The following SETBP1 variants were observed in gnomAD, a reference collection of about 807,000 sequenced individuals.
SETBP1 encodes the protein SET binding protein 1, also known as SET-binding protein.
A neutral mutation model predicts 101.0 loss-of-function variants in SETBP1; 9 were observed. That is an observed-to-expected ratio of 0.09 (90% CI 0.05 to 0.16). The LOEUF is 0.16. SETBP1 is among the 10% of genes least tolerant of loss of function. SETBP1 has a pLI of 1.00. For missense variants in SETBP1, 1,858 were observed against 2,033.8 expected, an observed-to-expected ratio of 0.91 and a Z score of 1.66; for synonymous variants, 818 against 788.5, an observed-to-expected ratio of 1.04 and a Z score of -0.63.
chr18:44,731,300 C>G (rs1184605643), intron 2 of SETBP1, among the ~76,000 whole-genome samples: 1 of 152,202 alleles, frequency 6.6e-6, no homozygotes, highest in African/African-American at 2.4e-5. Context: ...AAGGCCAGCC[C>G]AGATGATCAG....
chr18:44,739,323 T>C (rs898836), intron 2 of SETBP1, among the ~76,000 whole-genome samples: 121,765 of 152,118 alleles, frequency 0.8, 48,824 homozygotes, highest in African/African-American at 0.83. Flanking sequence ...TTCTGCCTAT[T>C]ACATCTTATT....
At chr18:45,022,423 G>C (rs565282351) in intron 4 of SETBP1, among the ~76,000 whole-genome samples, 8 of 152,272 alleles carry the variant, frequency 5.3e-5, no homozygotes, top group African/African-American at 1.9e-4. Context: ...TAAGTGCTGA[G>C]TGCAACCACC....
At chr18:44,932,655 T>C (rs1050267108) in intron 3 of SETBP1, among the ~76,000 whole-genome samples, 1 of 152,218 alleles carries the variant, frequency 6.6e-6, no homozygotes, top group Admixed American at 6.5e-5. Context: ...CTCTTTTTTT[T>C]CTCTAAACTT....
intron 2 of SETBP1, among the ~76,000 whole-genome samples, chr18:44,816,168 G>A (rs1367409985): frequency 6.6e-6 from 1 of 152,192 alleles, no homozygotes; most frequent in African/African-American, 2.4e-5. Context: ...AGGCAGGTGG[G>A]GAAGGGAACA....
At chr18:44,792,059 A>G (rs2071383096) in intron 2 of SETBP1, among the ~76,000 whole-genome samples, 1 of 152,110 alleles carries the variant, frequency 6.6e-6, no homozygotes, top group Non-Finnish European at 1.5e-5. Flanking sequence ...CTGTGATCTA[A>G]CAATTCTGCT....
intron 4 of SETBP1, among the ~76,000 whole-genome samples, chr18:45,005,641 TC>T (rs1681390565): frequency 7.0e-6 from 1 of 142,818 alleles, no homozygotes; most frequent in Admixed American, 7.1e-5. Flanking sequence ...CTTAAAATCT[TC>T]CTTTTTTTTT....
intron 2 of SETBP1, among the ~76,000 whole-genome samples, chr18:44,836,996 T>C (rs1385975519): frequency 6.6e-6 from 1 of 152,226 alleles, no homozygotes; most frequent in African/African-American, 2.4e-5. Context: ...TAAGAAACTT[T>C]TCATGCTAAT....
At chr18:44,728,093 T>G (rs2069755834) in intron 2 of SETBP1, among the ~76,000 whole-genome samples, 1 of 152,230 alleles carries the variant, frequency 6.6e-6, no homozygotes, top group Non-Finnish European at 1.5e-5. Context: ...CATTTAAGAC[T>G]CACTACTTAG....
At chr18:44,704,088 C>T (rs1418224899) in intron 2 of SETBP1, among the ~76,000 whole-genome samples, 2 of 152,184 alleles carry the variant, frequency 1.3e-5, no homozygotes, top group African/African-American at 4.8e-5. Context: ...ATACATTGTC[C>T]TGATTAGGTA....
chr18:44,976,266 CTTGTT>C (rs2071986867), intron 4 of SETBP1, among the ~76,000 whole-genome samples: 1 of 152,166 alleles, frequency 6.6e-6, no homozygotes, highest in South Asian at 2.1e-4. Context: ...TTGGAGGCTC[CTTGTT>C]TACAGTCCGT....
At chr18:44,848,257 T>C (rs974103682) in intron 2 of SETBP1, among the ~76,000 whole-genome samples, 3 of 152,080 alleles carry the variant, frequency 2.0e-5, no homozygotes, top group Admixed American at 6.5e-5. Context: ...CTTAGCTAGT[T>C]TGGGGAAGGC....
rs535180171 is a variant in SETBP1, at chr18:44,726,603, A to T, written c.486+24771A>T. Among the ~76,000 whole-genome samples, 58 of 152,280 alleles carry T rather than the reference A, an allele frequency of 3.8e-4. 2 individuals are homozygous for T. In the South Asian group the frequency reaches 0.012, roughly 30 times the overall value. On this transcript the variant is annotated intron_variant, in intron 2 of 5. Coordinates refer to ENST00000649279, the MANE Select transcript of SETBP1 (RefSeq NM_015559.3). ...ATTCTTAAACACAAAGCTATATAGG[A>T]CCGCCTCCCATTTGCAGATTAGAAG...
chr18:44,896,003 G>T (rs752242822), intron 3 of SETBP1, among the ~76,000 whole-genome samples: 1 of 152,124 alleles, frequency 6.6e-6, no homozygotes, highest in African/African-American at 2.4e-5. Context: ...CCTGATAGGA[G>T]CATGATCACT....
At position 44,950,856 on chromosome 18, in the gene SETBP1, C is replaced by T. The variant is rs1448229815; in HGVS notation, c.1516C>T (p.Pro506Ser). 3 of 1,614,122 alleles carry T rather than the reference C, an allele frequency of 1.9e-6. No individual in the cohort carries two copies. Among genetic ancestry groups the T allele is most frequent in the Non-Finnish European group, 2.5e-6 (3 of 1,180,018 alleles). ...KPRKPPMVMTPPTCTDHSPSR... is the reference protein window; with the variant it reads ...KPRKPPMVMTSPTCTDHSPSR... ...GCGGAAGCCACCCATGGTCATGACACCTCCAACGTGCACAGATCACTCTCC... is the reference window on the plus strand; with the variant it reads ...GCGGAAGCCACCCATGGTCATGACATCTCCAACGTGCACAGATCACTCTCC... The change falls in exon 4 of 6, where the codon CCT becomes TCT. Residue 506 changes from proline to serine, a missense_variant. Around this residue, in one of 12 missense-constraint regions of SETBP1, gnomAD observed 581 missense variants for 535.1 expected, o/e 1.09. Coordinates refer to ENST00000649279, the MANE Select transcript of SETBP1 (RefSeq NM_015559.3).
chr18:44,951,419 A>G lies in SETBP1; in HGVS notation c.2079A>G (p.Lys693=). The G allele has an allele frequency of 6.2e-7, 1 of 1,614,124 alleles. No individual in the cohort carries two copies. Among genetic ancestry groups the G allele is most frequent in the African/African-American group, 1.3e-5 (1 of 75,024 alleles). ...CCAGCAGCGTTGCTCTGAAGGCAAAAGCTCCCCCAGAGACCAGCCCTGGGG... is the reference window on the plus strand; with the variant it reads ...CCAGCAGCGTTGCTCTGAAGGCAAAGGCTCCCCCAGAGACCAGCCCTGGGG... ...SCSSSVALKA[K]APPETSPGAA... Residue 693 remains lysine, a synonymous_variant, in exon 4 of 6, where the codon AAA becomes AAG. Coordinates refer to ENST00000649279, the MANE Select transcript of SETBP1 (RefSeq NM_015559.3). The surrounding 1 kb of genome is among the most constrained non-coding windows in gnomAD (Gnocchi z 7.8).
At chr18:44,835,680 G>A (rs565106834) in intron 2 of SETBP1, among the ~76,000 whole-genome samples, 24 of 152,254 alleles carry the variant, frequency 1.6e-4, no homozygotes, top group African/African-American at 4.8e-4. Flanking sequence ...CTTTCCCATA[G>A]GAAGATGCTG....
At chr18:44,803,011 G>C (rs952445030) in intron 2 of SETBP1, among the ~76,000 whole-genome samples, 1 of 152,088 alleles carries the variant, frequency 6.6e-6, no homozygotes, top group Non-Finnish European at 1.5e-5. Flanking sequence ...ACGTTGAAAA[G>C]TATTCTTCCA....
chr18:44,934,486 G>A (rs764158347), intron 3 of SETBP1, among the ~76,000 whole-genome samples: 9 of 152,108 alleles, frequency 5.9e-5, no homozygotes, highest in East Asian at 1.9e-4. Context: ...GATAAGTAAC[G>A]AGCCTCAGTT....
At chr18:44,943,852 T>TTTTA (rs2071141784) in intron 3 of SETBP1, among the ~76,000 whole-genome samples, 1 of 142,080 alleles carries the variant, frequency 7.0e-6, no homozygotes, top group Admixed American at 7.1e-5. Context: ...TTTTTTTTTT[T>TTTTA]GAGACAGAGT....
Sources: gnomAD v4.1 joint callset for allele counts (sites outside exome capture counted in the v4.1 genomes callset) on GRCh38, gnomAD v4.1.1 for gene constraint, gnomAD v4.1.1 regional missense constraint, Gnocchi (gnomAD v3.1) non-coding constraint, MANE v1.5 for transcripts, NCBI Gene and HGNC (gene_info 2026-07-23, HGNC 2026-07-21) for gene names.